PACS1: variants seen among roughly 807,000 people sequenced by gnomAD.
The protein encoded by PACS1 is phosphofurin acidic cluster sorting protein 1.
A neutral mutation model predicts 115.0 loss-of-function variants in PACS1; 24 were observed. That is an observed-to-expected ratio of 0.21 (90% CI 0.15 to 0.29). The LOEUF (loss-of-function observed/expected upper bound fraction) is 0.29, where lower values mean the gene tolerates loss of function less well. Among genes scored for constraint, PACS1 ranks in the 10% least tolerant of loss-of-function variants. The probability of loss-of-function intolerance (pLI) is 1.00; values close to 1 mark genes in which losing one functional copy is unlikely to be tolerated. For synonymous variants in PACS1, 453 were observed against 504.5 expected (o/e 0.90, Z 1.37); for missense variants, 838 against 1,251.2 (o/e 0.67, Z 4.98).
intron 1 of PACS1, among the ~76,000 whole-genome samples, chr11:66,138,686 C>CTTT (rs34344453): frequency 6.9e-6 from 1 of 144,156 alleles, no homozygotes; most frequent in African/African-American, 2.5e-5. Context: ...GCTGTCTGCA[C>CTTT]TTTTTTTTTT....
At chr11:66,184,328 A>G (rs2134660017) in intron 1 of PACS1, among the ~76,000 whole-genome samples, 1 of 151,314 alleles carries the variant, frequency 6.6e-6, no homozygotes, top group African/African-American at 2.4e-5. Context: ...AAAAAAAAAA[A>G]AAAAAAAAAA....
intron 1 of PACS1, among the ~76,000 whole-genome samples, chr11:66,187,758 C>T (rs1463658910): frequency 2.0e-5 from 3 of 152,110 alleles, no homozygotes; most frequent in Non-Finnish European, 4.4e-5. Flanking sequence ...GAACGGTGCT[C>T]GGTAAACATG....
chr11:66,090,218 G>GGCTTT (rs990660568), intron 1 of PACS1, among the ~76,000 whole-genome samples: 1 of 149,466 alleles, frequency 6.7e-6, no homozygotes, highest in Non-Finnish European at 1.5e-5. Flanking sequence ...GGCTTGGCTT[G>GGCTTT]GCTTTTCTTT....
intron 21 of PACS1, among the ~76,000 whole-genome samples, chr11:66,240,119 G>A (rs942343315): frequency 1.3e-5 from 2 of 152,250 alleles, no homozygotes; most frequent in African/African-American, 4.8e-5. Flanking sequence ...GAACATGCGT[G>A]TCAGTGCCTG....
chr11:66,184,541 G>A (rs1031966942), intron 1 of PACS1, among the ~76,000 whole-genome samples: 1 of 152,094 alleles, frequency 6.6e-6, no homozygotes, highest in Non-Finnish European at 1.5e-5. Flanking sequence ...ACTATATTTT[G>A]TTCTTTTCTG....
At chr11:66,184,110 T>A (rs1860066023) in intron 1 of PACS1, among the ~76,000 whole-genome samples, 1 of 152,072 alleles carries the variant, frequency 6.6e-6, no homozygotes, top group Non-Finnish European at 1.5e-5. Flanking sequence ...TTCCCCTTTT[T>A]CTGTGCAAAA....
intron 11 of PACS1, among the ~76,000 whole-genome samples, chr11:66,228,237 G>A (rs764558214): frequency 2.0e-5 from 3 of 152,036 alleles, no homozygotes; most frequent in Non-Finnish European, 2.9e-5. Context: ...AGTTCATCCC[G>A]TGGGACCAGA....
intron 1 of PACS1, among the ~76,000 whole-genome samples, chr11:66,088,331 C>T (rs775880162): frequency 6.6e-6 from 1 of 152,094 alleles, no homozygotes; most frequent in Non-Finnish European, 1.5e-5. Context: ...TCTTTGCCTA[C>T]TCTAAGATCA....
In PACS1 at chr11:66,235,477, C is replaced by T; in HGVS notation, c.2207+74C>T. Reference sequence around the variant, plus strand: ...AGGAATCTTGAGTCTTCCTTGCTTTCTCACATTTTCCTTCTCCACATGCTA... The same window carrying T: ...AGGAATCTTGAGTCTTCCTTGCTTTTTCACATTTTCCTTCTCCACATGCTA... On this transcript the variant is annotated intron_variant, in intron 18 of 23. Coordinates refer to ENST00000320580, the MANE Select transcript of PACS1 (RefSeq NM_018026.4). The surrounding 1 kb of genome is among the most constrained non-coding windows in gnomAD (Gnocchi z 5.6). 1 of 1,101,624 alleles carries T rather than the reference C, an allele frequency of 9.1e-7. No homozygotes were observed. 68.2% of individuals were successfully genotyped at this position (1,101,624 alleles called of 1,614,324 possible).
At chr11:66,199,048 G>A in intron 2 of PACS1, among the ~76,000 whole-genome samples, 1 of 152,190 alleles carries the variant, frequency 6.6e-6, no homozygotes, top group Admixed American at 6.5e-5. Context: ...GGGCGTGGTG[G>A]CTCACGCCTA....
chr11:66,111,689 G>A (rs1453334553), intron 1 of PACS1, among the ~76,000 whole-genome samples: 1 of 152,022 alleles, frequency 6.6e-6, no homozygotes, highest in African/African-American at 2.4e-5. Flanking sequence ...CACTCACTCT[G>A]CTCAGGCTGG....
chr11:66,165,227 A>T (rs115187408), intron 1 of PACS1, among the ~76,000 whole-genome samples: 236 of 152,310 alleles, frequency 1.5e-3, no homozygotes, highest in African/African-American at 5.6e-3. Flanking sequence ...CATCTGACAC[A>T]TCTTCTGGAC....
At chr11:66,107,027 C>T (rs112796293) in intron 1 of PACS1, among the ~76,000 whole-genome samples, 251 of 152,246 alleles carry the variant, frequency 1.6e-3, no homozygotes, top group African/African-American at 5.8e-3. Context: ...AAGCCTACTC[C>T]TTAAGGGAAT....
intron 1 of PACS1, among the ~76,000 whole-genome samples, chr11:66,156,000 C>T (rs1045751513): frequency 6.6e-6 from 1 of 151,688 alleles, no homozygotes; most frequent in African/African-American, 2.4e-5. Flanking sequence ...AGGTGCAAAC[C>T]AGTGGATAGT....
At chr11:66,096,163 C>T (rs1008124596) in intron 1 of PACS1, among the ~76,000 whole-genome samples, 1 of 151,306 alleles carries the variant, frequency 6.6e-6, no homozygotes, top group Non-Finnish European at 1.5e-5. Flanking sequence ...GAACTCCTGC[C>T]CTCAAGTGAG....
At chr11:66,137,373 C>G (rs1358536295) in intron 1 of PACS1, among the ~76,000 whole-genome samples, 1 of 152,050 alleles carries the variant, frequency 6.6e-6, no homozygotes, top group African/African-American at 2.4e-5. Flanking sequence ...TCTAGTTACT[C>G]CAACATTATT....
chr11:66,201,726 C>G (rs1337754427), intron 2 of PACS1, among the ~76,000 whole-genome samples: 1 of 149,652 alleles, frequency 6.7e-6, no homozygotes, highest in East Asian at 2.0e-4. Context: ...GTGGTGCAAT[C>G]TCAGCTCATT....
At chr11:66,076,335 C>T (rs1857396966) in intron 1 of PACS1, among the ~76,000 whole-genome samples, 1 of 152,182 alleles carries the variant, frequency 6.6e-6, no homozygotes, top group South Asian at 2.1e-4. Flanking sequence ...GGCGGGTACG[C>T]CTCAGAAAAT....
intron 1 of PACS1, among the ~76,000 whole-genome samples, chr11:66,165,240 CT>C (rs1859575839): frequency 1.3e-5 from 2 of 152,316 alleles, no homozygotes; most frequent in South Asian, 4.1e-4. Flanking sequence ...TTCTGGACCA[CT>C]TTCTTCTCTA....
Sources: gnomAD v4.1 joint callset for allele counts (sites outside exome capture counted in the v4.1 genomes callset) on GRCh38, gnomAD v4.1.1 for gene constraint, Gnocchi (gnomAD v3.1) non-coding constraint, MANE v1.5 for transcripts, NCBI Gene and HGNC (gene_info 2026-07-23, HGNC 2026-07-21) for gene names.